The following COLEC12 variants were observed in gnomAD, a reference collection of about 807,000 sequenced individuals.
The protein encoded by COLEC12 is collectin subfamily member 12, also known as collectin-12.
A neutral mutation model predicts 71.1 loss-of-function variants in COLEC12; 33 were observed. The observed-to-expected ratio is 0.46, with a 90% CI of 0.35 to 0.62. The LOEUF (loss-of-function observed/expected upper bound fraction) is 0.62. COLEC12 is among the 20% of genes least tolerant of loss of function. COLEC12 has a pLI of 0.00. For missense variants in COLEC12, 765 were observed against 916.1 expected (o/e 0.84, Z 2.13); for synonymous variants, 350 against 353.0 (o/e 0.99, Z 0.10).
At chr18:356,170 A>C (rs977720726) in intron 3 of COLEC12, among the ~76,000 whole-genome samples, 3 of 152,248 alleles carry the variant, frequency 2.0e-5, no homozygotes, top group African/African-American at 7.2e-5. Context: ...AGAGAGATAC[A>C]GATATGATTT....
At chr18:487,289 G>A (rs1265381502) in intron 1 of COLEC12, among the ~76,000 whole-genome samples, 2 of 152,242 alleles carry the variant, frequency 1.3e-5, no homozygotes, top group East Asian at 1.9e-4. Context: ...GATTCAGAAA[G>A]CAATTAATGT....
chr18:389,869 T>C (rs2143585496), intron 2 of COLEC12, among the ~76,000 whole-genome samples: 1 of 152,190 alleles, frequency 6.6e-6, no homozygotes, highest in East Asian at 1.9e-4. Context: ...CAACAAACAT[T>C]AGCGGCTTTC....
At chr18:388,569 AT>A (rs1915395501) in intron 2 of COLEC12, among the ~76,000 whole-genome samples, 1 of 152,194 alleles carries the variant, frequency 6.6e-6, no homozygotes, top group Non-Finnish European at 1.5e-5. Context: ...CACATCAGTG[AT>A]GTTTGTAAAC....
chr18:375,445 T>C (rs944496269), intron 2 of COLEC12, among the ~76,000 whole-genome samples: 1 of 152,152 alleles, frequency 6.6e-6, no homozygotes, highest in Non-Finnish European at 1.5e-5. Flanking sequence ...TTTTGAAAAA[T>C]GCAATCCTCC....
chr18:381,678 G>C (rs1185796077), intron 2 of COLEC12, among the ~76,000 whole-genome samples: 1 of 152,116 alleles, frequency 6.6e-6, no homozygotes, highest in Non-Finnish European at 1.5e-5. Flanking sequence ...ATATGAATGA[G>C]AATATTCACT....
chr18:443,399 T>C (rs1916583014), intron 2 of COLEC12, among the ~76,000 whole-genome samples: 1 of 152,264 alleles, frequency 6.6e-6, no homozygotes, highest in Admixed American at 6.5e-5. Flanking sequence ...TATCTCACTT[T>C]CATGTCTTTT....
chr18:330,984 A>C (rs1913966477), intron 8 of COLEC12, among the ~76,000 whole-genome samples: 1 of 151,652 alleles, frequency 6.6e-6, no homozygotes, highest in Admixed American at 6.6e-5. Flanking sequence ...GGTTTAAGCA[A>C]TTCTTCTGCC....
Position 388,781 on chromosome 18 carries a change from C to T in COLEC12, c.59-31259G>A, listed in dbSNP as rs140748791. Among the ~76,000 whole-genome samples, 4 of 152,282 alleles carry T rather than the reference C, an allele frequency of 2.6e-5. No homozygotes were observed. In the East Asian group the frequency reaches 7.7e-4, roughly 29 times the overall value. ...TGGCATGTCACAGAAATGGACTAAA[C>T]AGAGATGAGGTTGAAGAAACAACTG... On this transcript the variant is annotated intron_variant, in intron 2 of 9. Transcript: ENST00000400256.
intron 3 of COLEC12, among the ~76,000 whole-genome samples, chr18:355,408 T>G (rs1482506039): frequency 6.6e-6 from 1 of 151,838 alleles, no homozygotes; most frequent in Non-Finnish European, 1.5e-5. Context: ...TGTGGGCAAA[T>G]GGACCAGCAC....
intron 2 of COLEC12, among the ~76,000 whole-genome samples, chr18:413,571 C>A (rs1301264948): frequency 2.0e-5 from 3 of 152,184 alleles, no homozygotes; most frequent in African/African-American, 7.2e-5. Context: ...GTGCTACGAT[C>A]CCAGCACTTT....
Position 348,132 on chromosome 18 carries a change from G to A in COLEC12, c.213C>T (p.Gly71=). Residue 71 remains glycine, a synonymous_variant, in exon 4 of 10, where the codon GGC becomes GGT. Coordinates refer to ENST00000400256, the MANE Select transcript of COLEC12 (RefSeq NM_130386.3). ...CATAGGTTTGGCGAGATGTTTCCAT[G>A]CCACCTGTGACATTGTCCATTTTCT... ...VVEKMDNVTG[G]METSRQTYDD... 1 of 1,613,662 alleles carries A rather than the reference G, an allele frequency of 6.2e-7. No homozygotes were observed. Among genetic ancestry groups the A allele is most frequent in the South Asian group, 1.1e-5 (1 of 91,068 alleles).
chr18:340,816 C>T (rs1914235023), intron 5 of COLEC12, among the ~76,000 whole-genome samples: 2 of 152,240 alleles, frequency 1.3e-5, no homozygotes, highest in African/African-American at 2.4e-5. Flanking sequence ...AGTCATTGCG[C>T]TTCACTGAGG....
chr18:403,103 A>T (rs1915719916), intron 2 of COLEC12, among the ~76,000 whole-genome samples: 1 of 152,220 alleles, frequency 6.6e-6, no homozygotes, highest in Non-Finnish European at 1.5e-5. Context: ...AACCGGCTCA[A>T]GTGGGACAGG....
intron 5 of COLEC12, among the ~76,000 whole-genome samples, chr18:345,643 C>A (rs1367428167): frequency 6.6e-6 from 1 of 152,106 alleles, no homozygotes; most frequent in Non-Finnish European, 1.5e-5. Flanking sequence ...GCTTTGTGAC[C>A]CAAAAGACTT....
chr18:391,899 A>T (rs1271061364), intron 2 of COLEC12, among the ~76,000 whole-genome samples: 2 of 152,226 alleles, frequency 1.3e-5, no homozygotes, highest in African/African-American at 2.4e-5. Flanking sequence ...ATCAACAGGT[A>T]AGATTATTTA....
intron 6 of COLEC12, chr18:334,168 G>T: frequency 6.6e-6 from 1 of 152,396 alleles, no homozygotes. Context: ...TTCCAGCCTG[G>T]GTGACAGAGT....
At position 318,358 on chromosome 18, in the gene COLEC12, G is replaced by C. The variant is rs1238482875; in HGVS notation, c.*1687C>G. 1 of 152,020 alleles carries C rather than the reference G, an allele frequency of 6.6e-6. No individual in the cohort carries two copies. The highest frequency in any genetic ancestry group is 1.5e-5 in the Non-Finnish European group (1 of 68,044). The allele number at this position is 152,020 out of a possible 1,614,324, so 9.4% of individuals were successfully genotyped here. A position where few individuals can be genotyped will look rare whatever the true frequency, so the allele number is the denominator to read the frequency against. On this transcript the variant is annotated 3_prime_UTR_variant, in exon 10 of 10. Transcript: ENST00000400256. Reference sequence around the variant, plus strand: ...GACCCTTGGGAGGGAGAAGGAATCTGTTGGATGGAAATCTTACCTTTGAGC... The same window carrying C: ...GACCCTTGGGAGGGAGAAGGAATCTCTTGGATGGAAATCTTACCTTTGAGC...
intron 6 of COLEC12, chr18:334,190 C>A: frequency 6.6e-6 from 1 of 150,484 alleles, no homozygotes. Context: ...AGACCCTGTC[C>A]CATACATACA....
intron 6 of COLEC12, 194 bp downstream of exon 6, chr18:334,548 A>T (rs1441870214): frequency 1.5e-5 from 6 of 406,436 alleles, no homozygotes; most frequent in Middle Eastern, 6.2e-4. Context: ...GAATCACTTG[A>T]ACCCGGGATG....
Sources: gnomAD v4.1 joint callset for allele counts (sites outside exome capture counted in the v4.1 genomes callset) on GRCh38, gnomAD v4.1.1 for gene constraint, MANE v1.5 for transcripts, NCBI Gene and HGNC (gene_info 2026-07-23, HGNC 2026-07-21) for gene names.